The following SLC47A1 variants were observed in gnomAD, a reference collection of about 807,000 sequenced individuals.
The protein encoded by SLC47A1 is solute carrier family 47 member 1.
Under a neutral mutation model 65.8 loss-of-function variants are expected in SLC47A1, and 58 were observed. The observed-to-expected ratio is 0.88, with a 90% CI of 0.71 to 1.10. The LOEUF (loss-of-function observed/expected upper bound fraction) is 1.10. Among genes scored for constraint, SLC47A1 ranks in the 50% least tolerant of loss-of-function variants. The pLI, the probability that SLC47A1 is intolerant of heterozygous loss-of-function variation, is 0.00. For synonymous variants in SLC47A1, 285 were observed against 295.0 expected, an observed-to-expected ratio of 0.97 and a Z score of 0.35; for missense variants, 706 against 719.2, an observed-to-expected ratio of 0.98 and a Z score of 0.21.
Position 19,577,443 on chromosome 17 carries a change from G to A in SLC47A1, c.1603G>A (p.Ala535Thr), listed in dbSNP as rs547858729. ...EPLPEHPQDG[A>T]KLSRKQLVLR... ...TTTGCCGGAACATCCACAGGACGGC[G>A]CTAAATTGTCCAGGAAACAGCTGGT... The change falls in exon 17 of 17, where the codon GCT becomes ACT. Residue 535 changes from alanine (A) to threonine (T), a missense_variant. Physicochemically the swap from Ala to Thr is moderately conservative, Grantham distance 58. Coordinates refer to ENST00000270570, the MANE Select transcript of SLC47A1 (RefSeq NM_018242.3). 2.0e-5 allele frequency: 33 copies of A among 1,614,142 alleles called. No individual in the cohort carries two copies. Among genetic ancestry groups the A allele is most frequent in the Admixed American group, 5.0e-5 (3 of 60,020 alleles).
In SLC47A1 at chr17:19,577,502, C is replaced by T. The variant is rs2084450605; in HGVS notation, c.1662C>T (p.Phe554=). The T allele has an allele frequency of 6.2e-7, 1 of 1,614,020 alleles. No homozygotes were observed. Among genetic ancestry groups the T allele is most frequent in the African/African-American group, 1.3e-5 (1 of 74,912 alleles). Reference sequence around the variant, plus strand: ...GAGGGCTTCTGCTCCTGGGGGTCTTCTTAATCTTGCTGGTGGGGATTTTAG... The same window carrying T: ...GAGGGCTTCTGCTCCTGGGGGTCTTTTTAATCTTGCTGGTGGGGATTTTAG... ...LRRGLLLLGV[F]LILLVGILVR... Residue 554 remains phenylalanine (F), a synonymous_variant, in exon 17 of 17, where the codon TTC becomes TTT. Coordinates refer to ENST00000270570, the MANE Select transcript of SLC47A1 (RefSeq NM_018242.3).
chr17:19,561,748 A>G (rs1473098433), intron 12 of SLC47A1, among the ~76,000 whole-genome samples: 1 of 152,008 alleles, frequency 6.6e-6, no homozygotes, highest in Non-Finnish European at 1.5e-5. Context: ...CTTAATGGGC[A>G]TTGGTAATGA....
intron 1 of SLC47A1, among the ~76,000 whole-genome samples, chr17:19,536,283 C>T (rs1438859679): frequency 9.8e-6 from 1 of 102,030 alleles, no homozygotes; most frequent in Admixed American, 9.7e-5. Flanking sequence ...ATAATAATAA[C>T]AGGGCAGGTT....
In SLC47A1 at chr17:19,549,655, C is replaced by T. The variant is rs35646404; in HGVS notation, c.476C>T (p.Thr159Met). Residue 159 changes from threonine (T) to methionine (M), a missense_variant, in exon 5 of 17, where the codon ACG becomes ATG. Thr to Met is a moderately conservative substitution (Grantham distance 81, BLOSUM62 -1). Transcript: ENST00000270570. ...TTTAGGCTTACCCAGACCTATGTCA[C>T]GATCTTCATTCCAGCTCTTCCTGTA... is the stretch of plus-strand genomic sequence containing the variant. The part of the protein sequence containing the change: ...DVSRLTQTYV[T>M]IFIPALPATF... 619 of 1,614,140 alleles carry T rather than the reference C, an allele frequency of 3.8e-4. 1 individual carries two copies. Among genetic ancestry groups the T allele is most frequent in the Non-Finnish European group, 4.9e-4 (580 of 1,180,016 alleles).
At chr17:19,551,396 A>C in intron 5 of SLC47A1, 28 bp from the exon 6 acceptor site, 11 of 1,577,332 alleles carry the variant, frequency 7.0e-6, no homozygotes, top group Non-Finnish European at 9.6e-6. Flanking sequence ...CTGAAACATT[A>C]ACATTCATCT....
Position 19,577,383 on chromosome 17 carries a change from C to CCTCA in SLC47A1, c.1544_1547dup (p.Gln516HisfsTer22). ...GAACGATGTTGGAAAGACAGGCGAG[C>CCTCA]CTCAGTCAGATCAGCAGATGCGCCA... is the stretch of plus-strand genomic sequence containing the variant. On this transcript the variant is annotated frameshift_variant, in exon 17 of 17. Transcript: ENST00000270570. LOFTEE classifies it low-confidence loss of function (END_TRUNC). The CCTCA allele has an allele frequency of 6.2e-7, 1 of 1,614,156 alleles. No individual in the cohort carries two copies. The highest frequency in any genetic ancestry group is 8.5e-7 in the Non-Finnish European group (1 of 1,180,048).
intron 14 of SLC47A1, among the ~76,000 whole-genome samples, chr17:19,570,207 A>G (rs1961669): frequency 0.17 from 25,274 of 152,224 alleles, 2,272 homozygotes; most frequent in East Asian, 0.29. Context: ...TACCGAATCC[A>G]TAAACCAGGA....
intron 1 of SLC47A1, among the ~76,000 whole-genome samples, chr17:19,538,768 A>AC (rs1434522805): frequency 2.0e-5 from 3 of 152,176 alleles, no homozygotes; most frequent in African/African-American, 7.2e-5. Context: ...TTCAGCAATC[A>AC]TGGGAGGGGG....
At chr17:19,572,528 C>T (rs967270453) in intron 15 of SLC47A1, among the ~76,000 whole-genome samples, 2 of 152,124 alleles carry the variant, frequency 1.3e-5, no homozygotes, top group African/African-American at 2.4e-5. Flanking sequence ...TGCTGTGTTG[C>T]GCAGGCTGGC....
chr17:19,577,925 T>C lies in SLC47A1; in HGVS notation c.*372T>C. 7.9e-7 allele frequency: 1 copy of C among 1,258,220 alleles called. No individual in the cohort carries two copies. Among genetic ancestry groups the C allele is most frequent in the Non-Finnish European group, 1.0e-6 (1 of 979,934 alleles). The allele number at this position is 1,258,220 out of a possible 1,614,324, so 77.9% of individuals were successfully genotyped here. On this transcript the variant is annotated 3_prime_UTR_variant, in exon 17 of 17. Transcript: ENST00000270570. ...GAATTATGTAAAATATATTTTACAG[T>C]ATATCTTTCCTTGGGCCTTAGATTA...
At chr17:19,551,370 C>G (rs1916443148) in intron 5 of SLC47A1, 54 bp from the exon 6 acceptor site, 1 of 1,503,996 alleles carries the variant, frequency 6.6e-7, no homozygotes, top group Non-Finnish European at 9.3e-7. Flanking sequence ...TGTGACCTCA[C>G]TTCTGTGTGG....
intron 1 of SLC47A1, chr17:19,534,412 T>G (rs994318099): frequency 4.8e-5 from 12 of 247,728 alleles, no homozygotes; most frequent in Non-Finnish European, 8.5e-5. Flanking sequence ...AACGGGGCTC[T>G]ACCAGGTCCA....
intron 12 of SLC47A1, among the ~76,000 whole-genome samples, chr17:19,561,599 C>G (rs376670213): frequency 6.9e-6 from 1 of 145,838 alleles, no homozygotes; most frequent in East Asian, 2.1e-4. Context: ...GCTGAGATCC[C>G]GCCACTGCAC....
intron 1 of SLC47A1, among the ~76,000 whole-genome samples, chr17:19,536,438 CA>C (rs1165519424): frequency 6.6e-6 from 1 of 151,944 alleles, no homozygotes; most frequent in East Asian, 1.9e-4. Flanking sequence ...GTGTTTATTA[CA>C]AATGTCATGC....
Position 19,546,511 on chromosome 17 carries a change from G to A in SLC47A1, c.306+8G>A, listed in dbSNP as rs1435379253. Reference sequence around the variant, plus strand: ...GACACCCTCATCTCCCAGGTAAATGGAAGTGGTCACACGCTCACAGTGACC... The same window carrying A: ...GACACCCTCATCTCCCAGGTAAATGAAAGTGGTCACACGCTCACAGTGACC... On this transcript the variant is annotated splice_region_variant and intron_variant, in intron 3 of 16. Coordinates refer to ENST00000270570, the MANE Select transcript of SLC47A1 (RefSeq NM_018242.3). The A allele has an allele frequency of 6.2e-7, 1 of 1,613,206 alleles. No homozygotes were observed. Among genetic ancestry groups the A allele is most frequent in the Admixed American group, 1.7e-5 (1 of 59,912 alleles).
chr17:19,577,254 T>C, intron 16 of SLC47A1, 73 bp from the exon 17 acceptor site: 1 of 1,570,962 alleles, frequency 6.4e-7, no homozygotes, highest in Non-Finnish European at 8.6e-7. Context: ...CACATATTCC[T>C]TTTATACATA....
chr17:19,536,461 A>C (rs957133727), intron 1 of SLC47A1, among the ~76,000 whole-genome samples: 2 of 152,136 alleles, frequency 1.3e-5, no homozygotes, highest in Non-Finnish European at 2.9e-5. Flanking sequence ...TATTTACTGT[A>C]GAAAAAAATA....
rs541002675 is a variant in SLC47A1 at position 19,550,115 on chromosome 17, T to TTTTG, written c.498+451_498+454dup. ...ATGAACAATGAGAGCTAAGTGGTTT[T>TTTTG]TTTGTTTGTTTGTTTGGTGTTTTTG... On this transcript the variant is annotated intron_variant, in intron 5 of 16. Transcript: ENST00000270570. Among the ~76,000 whole-genome samples the TTTTG allele has an allele frequency of 3.0e-3, 452 of 152,296 alleles. 25 individuals carry two copies. The South Asian group carries it at 0.088, about 30-fold the overall frequency.
At chr17:19,546,268 G>C (rs1916289070) in intron 2 of SLC47A1, among the ~76,000 whole-genome samples, 167 bp from the exon 3 acceptor site, 1 of 152,112 alleles carries the variant, frequency 6.6e-6, no homozygotes, top group Non-Finnish European at 1.5e-5. Context: ...TTAAACCTGT[G>C]AGAATGGCTT....
Sources: gnomAD v4.1 joint callset for allele counts (sites outside exome capture counted in the v4.1 genomes callset) on GRCh38, gnomAD v4.1.1 for gene constraint, MANE v1.5 for transcripts, NCBI Gene and HGNC (gene_info 2026-07-23, HGNC 2026-07-21) for gene names.